Variants in IFNA4 observed in about 807,000 individuals in gnomAD.
IFNA4 encodes the protein interferon alpha-4.
For missense variants in IFNA4, 225 were observed against 214.9 expected (o/e 1.05, Z -0.29); for synonymous variants, 84 against 86.0 (o/e 0.98, Z 0.13).
exon 1 of IFNA4, chr9:21,186,738 T>C: frequency 5.7e-6 from 2 of 352,226 alleles, no homozygotes; most frequent in Non-Finnish European, 9.7e-6. Flanking sequence ...TAAAAATAAA[T>C]AAATATTTAA....
In IFNA4 at chr9:21,186,898, G is replaced by A. The variant is rs535615675; in HGVS notation, c.*64C>T. ...ATAGAAGTGAGTCTTTGAAATGGAA[G>A]AACTCATGAAAGTGTGAGATAATGT... On this transcript the variant is annotated 3_prime_UTR_variant, in exon 1 of 1. Coordinates refer to ENST00000421715, the Ensembl canonical transcript of IFNA4. 4.7e-5 allele frequency: 75 copies of A among 1,593,126 alleles called. 1 individual carries two copies. The highest frequency in any genetic ancestry group is 6.2e-5 in the Non-Finnish European group (73 of 1,173,714).
chr9:21,186,989 C>G, exon 1 of IFNA4: 1 of 1,612,046 alleles, frequency 6.2e-7, no homozygotes, highest in Non-Finnish European at 8.5e-7. Flanking sequence ...ATCTTTTTTG[C>G]AAGTTTGTTG....
chr9:21,187,071 A>C (rs756622989), exon 1 of IFNA4: 1 of 1,614,104 alleles, frequency 6.2e-7, no homozygotes, highest in Non-Finnish European at 8.5e-7. Context: ...CTTCTCTGTT[A>C]GATAAAGAGT....
At chr9:21,187,375 G>A (rs1259182675) in exon 1 of IFNA4, 10 of 1,614,032 alleles carry the variant, frequency 6.2e-6, no homozygotes, top group African/African-American at 2.7e-5. Flanking sequence ...CTGTCCTTCA[G>A]GCAGGAGAAA....
chr9:21,187,361 A>T, exon 1 of IFNA4: 2 of 1,614,178 alleles, frequency 1.2e-6, no homozygotes, highest in Non-Finnish European at 1.7e-6. Flanking sequence ...ATCCGAAATC[A>T]TGTCTGTCCT....
exon 1 of IFNA4, chr9:21,186,891 A>C (rs986843701): frequency 2.9e-5 from 46 of 1,588,320 alleles, no homozygotes; most frequent in Middle Eastern, 2.2e-4. Flanking sequence ...GAGTCTTTGA[A>C]ATGGAAGAAC....
chr9:21,187,148 C>A (rs766923065), exon 1 of IFNA4: 2 of 1,613,912 alleles, frequency 1.2e-6, no homozygotes, highest in South Asian at 1.1e-5. Flanking sequence ...TCTCTTCCAC[C>A]CCAACCTCCT....
chr9:21,186,862 T>C (rs1448076222), exon 1 of IFNA4: 3 of 1,568,638 alleles, frequency 1.9e-6, no homozygotes, highest in Non-Finnish European at 2.6e-6. Flanking sequence ...TTGATTCAAC[T>C]CGTGGTGGTT....
chr9:21,187,300 A>G (rs747722940), exon 1 of IFNA4: 2 of 1,613,870 alleles, frequency 1.2e-6, no homozygotes, highest in South Asian at 1.1e-5. Context: ...TGGAGGACAG[A>G]GATGGCTTGA....
At chr9:21,187,378 A>G (rs750586534) in exon 1 of IFNA4, 2 of 1,614,214 alleles carry the variant, frequency 1.2e-6, no homozygotes, top group Non-Finnish European at 1.7e-6. Context: ...TCCTTCAGGC[A>G]GGAGAAATGA....
chr9:21,187,029 C>A (rs1423164423), exon 1 of IFNA4: 1 of 1,614,140 alleles, frequency 6.2e-7, no homozygotes, highest in Non-Finnish European at 8.5e-7. Context: ...GATTTCTGCT[C>A]TGACAACCTC....
exon 1 of IFNA4, chr9:21,187,168 A>T: frequency 6.2e-7 from 1 of 1,613,828 alleles, no homozygotes; most frequent in Non-Finnish European, 8.5e-7. Context: ...TGTATCACAC[A>T]TGCTTCCAGG....
At chr9:21,187,340 C>T in exon 1 of IFNA4, 2 of 1,614,138 alleles carry the variant, frequency 1.2e-6, no homozygotes, top group Non-Finnish European at 1.7e-6. Flanking sequence ...CATCAAACTC[C>T]TCCTCGGGGA....
At chr9:21,186,832 G>C in exon 1 of IFNA4, 1 of 1,475,612 alleles carries the variant, frequency 6.8e-7, no homozygotes, top group Non-Finnish European at 9.2e-7. Flanking sequence ...TCTTCACACT[G>C]CTGAAAACAT....
At chr9:21,186,952 G>A (rs1184773496) in exon 1 of IFNA4, 1 of 1,613,686 alleles carries the variant, frequency 6.2e-7, no homozygotes. Context: ...TTTCCATGTT[G>A]AACCAGGTTT....
At chr9:21,186,878 A>G in exon 1 of IFNA4, 1 of 1,583,144 alleles carries the variant, frequency 6.3e-7, no homozygotes. Flanking sequence ...TGGTTATAGA[A>G]GTGAGTCTTT....
chr9:21,187,335 A>G (rs1299698677), exon 1 of IFNA4: 2 of 1,614,114 alleles, frequency 1.2e-6, no homozygotes, highest in East Asian at 4.5e-5. Flanking sequence ...GTGGCCATCA[A>G]ACTCCTCCTC....
chr9:21,186,936 G>T (rs1312294871), exon 1 of IFNA4: 1 of 1,613,100 alleles, frequency 6.2e-7, no homozygotes, highest in Admixed American at 1.7e-5. Flanking sequence ...TAGTCAATCA[G>T]GATCATTTCC....
In IFNA4 at chr9:21,187,122, T is replaced by A. The variant is rs3750480; in HGVS notation, c.410A>T (p.Glu137Val). The A allele has an allele frequency of 0.17, 278,996 of 1,613,258 alleles. 26,592 individuals are homozygous for A. The highest frequency in any genetic ancestry group is 0.42 in the East Asian group (18,799 of 44,794). ...TTTCCTCACAGCCAGGATGGAGTCC[T>A]CATTCATCAGGGGAGTCTCTTCCAC... is the stretch of plus-strand genomic sequence containing the variant. Residue 137 changes from glutamate (E) to valine (V), a missense_variant, in exon 1 of 1, where the codon GAG becomes GTG. Physicochemically the swap from Glu to Val is moderately radical, Grantham distance 121. Coordinates refer to ENST00000421715, the Ensembl canonical transcript of IFNA4.
Sources: gnomAD v4.1 joint callset for allele counts on GRCh38, gnomAD v4.1.1 for gene constraint, MANE v1.5 for transcripts, NCBI Gene and HGNC (gene_info 2026-07-23, HGNC 2026-07-21) for gene names.